Variants in ZNF385B observed in about 807,000 individuals in gnomAD.
ZNF385B encodes the protein zinc finger protein 385B.
A neutral mutation model predicts 39.2 loss-of-function variants in ZNF385B; 23 were observed. The observed-to-expected ratio is 0.59, with a 90% confidence interval of 0.42 to 0.83. The LOEUF is 0.83. Ranked by LOEUF, ZNF385B falls within the 40% of genes least tolerant of loss-of-function variation. The pLI, the probability that ZNF385B is intolerant of heterozygous loss-of-function variation, is 0.00. For missense variants in ZNF385B, 552 were observed against 598.9 expected (o/e 0.92, Z 0.82); for synonymous variants, 205 against 222.6 (o/e 0.92, Z 0.70).
chr2:179,710,296 C>T lies in ZNF385B; in HGVS notation c.298+59207G>A, dbSNP rs138789230. Among the ~76,000 whole-genome samples the T allele has an allele frequency of 1.6e-4, 24 of 152,158 alleles. 1 individual carries two copies. The highest frequency in any genetic ancestry group is 5.5e-4 in the African/African-American group (23 of 41,502). ...TATACCTTTGCCCCAACCTGGGACTCAAGGAAACCTCTATTGCCCTTGCCA... is the reference window on the plus strand; with the variant it reads ...TATACCTTTGCCCCAACCTGGGACTTAAGGAAACCTCTATTGCCCTTGCCA... On this transcript the variant is annotated intron_variant, in intron 3 of 9. Coordinates refer to ENST00000410066, the MANE Select transcript of ZNF385B (RefSeq NM_152520.6).
At chr2:179,757,089 TG>T (rs373190920) in intron 3 of ZNF385B, among the ~76,000 whole-genome samples, 1,872 of 152,318 alleles carry the variant, frequency 0.012, 45 homozygotes, top group African/African-American at 0.042. Flanking sequence ...CCCATCTTTG[TG>T]GTTTTATCTA....
At position 179,598,079 on chromosome 2, in the gene ZNF385B, C is replaced by CT. The variant is rs557326957; in HGVS notation, c.299-53111dup. On this transcript the variant is annotated intron_variant, in intron 3 of 9. Transcript: ENST00000410066. Reference sequence around the variant, plus strand: ...AAACTAGTTTGTGGTTAGTAAAGTGCTTTTTTTTATATTAGATTCTTTAGG... The same window carrying CT: ...AAACTAGTTTGTGGTTAGTAAAGTGCTTTTTTTTTATATTAGATTCTTTAGG... Among the ~76,000 whole-genome samples the CT allele has an allele frequency of 2.8e-4, 42 of 151,868 alleles. No homozygotes were observed. The South Asian group carries it at 6.7e-3, about 24-fold the overall frequency.
At chr2:179,557,222 C>G (rs1449378375) in intron 3 of ZNF385B, among the ~76,000 whole-genome samples, 1 of 149,192 alleles carries the variant, frequency 6.7e-6, no homozygotes, top group African/African-American at 2.5e-5. Context: ...CAAAGATGTA[C>G]AAGAATCATA....
In ZNF385B at chr2:179,544,952, T is replaced by A. The variant is rs202112513; in HGVS notation, c.316A>T (p.Thr106Ser). ...NSSTGSTCHT[T>S]TLPALVRTPT... ...GTGCGCACAAGAGCAGGAAGGGTAG[T>A]AGTGTGGCATGTACTGCCTGCCAAG... is the stretch of plus-strand genomic sequence containing the variant. The change falls in exon 4 of 10, where the codon ACT becomes TCT. Residue 106 changes from threonine to serine, a missense_variant. By Grantham distance (58) the Thr-to-Ser change is moderately conservative. Coordinates refer to ENST00000410066, the MANE Select transcript of ZNF385B (RefSeq NM_152520.6). 4 of 1,613,948 alleles carry A rather than the reference T, an allele frequency of 2.5e-6. No homozygotes were observed. In the African/African-American group the frequency reaches 4.0e-5, roughly 16 times the overall value.
In ZNF385B at chr2:179,642,442, C is replaced by G. The variant is rs576856682; in HGVS notation, c.299-97473G>C. On this transcript the variant is annotated intron_variant, in intron 3 of 9. Transcript: ENST00000410066. ...CCTTCATCCATGTCCTCTCCTGTCT[C>G]AACAACTCCATTCCTCTTTTTTTTC... Among the ~76,000 whole-genome samples, 13 of 152,212 alleles carry G rather than the reference C, an allele frequency of 8.5e-5. No individual in the cohort carries two copies. The East Asian group carries it at 2.3e-3, about 27-fold the overall frequency.
intron 3 of ZNF385B, among the ~76,000 whole-genome samples, chr2:179,611,676 G>T (rs1281866265): frequency 6.6e-6 from 1 of 152,100 alleles, no homozygotes; most frequent in African/African-American, 2.4e-5. Flanking sequence ...CCTTTGCTGG[G>T]AGACTTTATT....
chr2:179,768,786 AG>A (rs1191027847), intron 3 of ZNF385B, among the ~76,000 whole-genome samples: 1 of 152,214 alleles, frequency 6.6e-6, no homozygotes, highest in African/African-American at 2.4e-5. Context: ...GTGGAAGAGG[AG>A]GGGCTGCCCA....
chr2:179,442,099 T>C lies in ZNF385B; in HGVS notation c.*1151A>G, dbSNP rs2049027008. 6.6e-6 allele frequency: 1 copy of C among 152,666 alleles called. No individual in the cohort carries two copies. Among genetic ancestry groups the C allele is most frequent in the African/African-American group, 2.4e-5 (1 of 41,470 alleles). 9.5% of individuals were successfully genotyped at this position (152,666 alleles called of 1,614,324 possible). A position where few individuals can be genotyped will look rare whatever the true frequency, so the allele number is the denominator to read the frequency against. On this transcript the variant is annotated 3_prime_UTR_variant, in exon 10 of 10. Transcript: ENST00000410066. ...GAGTCCACTCTATTTTGTTGTTCTA[T>C]GATAACTCTTGCCCCTGATATCACA...
rs181550954 is a variant in ZNF385B, at chr2:179,489,856, G to C, written c.553-6422C>G. ...CATTCAATTCTCATCTATTGGGATTGTTGAAAACAAAGTCCAGACAAAATT... is the reference window on the plus strand; with the variant it reads ...CATTCAATTCTCATCTATTGGGATTCTTGAAAACAAAGTCCAGACAAAATT... On this transcript the variant is annotated intron_variant, in intron 5 of 9. Coordinates refer to ENST00000410066, the MANE Select transcript of ZNF385B (RefSeq NM_152520.6). Among the ~76,000 whole-genome samples, 69 of 152,296 alleles carry C rather than the reference G, an allele frequency of 4.5e-4. No homozygotes were observed. The Middle Eastern group carries it at 0.01, about 23-fold the overall frequency.
intron 3 of ZNF385B, among the ~76,000 whole-genome samples, chr2:179,708,855 A>C (rs1699801791): frequency 6.6e-6 from 1 of 152,184 alleles, no homozygotes; most frequent in African/African-American, 2.4e-5. Context: ...TAGGGCCAGA[A>C]CATACCCCAA....
At chr2:179,826,409 G>C (rs892053758) in intron 1 of ZNF385B, among the ~76,000 whole-genome samples, 3 of 152,080 alleles carry the variant, frequency 2.0e-5, no homozygotes, top group African/African-American at 7.2e-5. Context: ...ACAATGAAAA[G>C]ACACCATTCT....
chr2:179,714,812 G>T (rs1700215771), intron 3 of ZNF385B, among the ~76,000 whole-genome samples: 1 of 151,738 alleles, frequency 6.6e-6, no homozygotes, highest in Admixed American at 6.6e-5. Context: ...TTAGCCAGAT[G>T]TGGTGGCACT....
chr2:179,452,111 G>C (rs2050207520), intron 6 of ZNF385B, among the ~76,000 whole-genome samples: 1 of 152,092 alleles, frequency 6.6e-6, no homozygotes, highest in African/African-American at 2.4e-5. Context: ...AGCTACATCA[G>C]AATTGTTCGT....
chr2:179,665,860 T>C (rs1695083311), intron 3 of ZNF385B, among the ~76,000 whole-genome samples: 1 of 152,142 alleles, frequency 6.6e-6, no homozygotes, highest in Non-Finnish European at 1.5e-5. Context: ...CTGCTCAATG[T>C]ATACCCACTC....
At chr2:179,505,780 G>A (rs1466707568) in intron 5 of ZNF385B, among the ~76,000 whole-genome samples, 1 of 152,054 alleles carries the variant, frequency 6.6e-6, no homozygotes, top group African/African-American at 2.4e-5. Context: ...ATGTGGGACA[G>A]TTCACTTCAG....
At chr2:179,750,483 C>A (rs1370967410) in intron 3 of ZNF385B, among the ~76,000 whole-genome samples, 1 of 152,070 alleles carries the variant, frequency 6.6e-6, no homozygotes, top group Admixed American at 6.6e-5. Context: ...GTATCATCAC[C>A]AGGTCTGAAG....
intron 3 of ZNF385B, among the ~76,000 whole-genome samples, chr2:179,654,248 T>C (rs1425904677): frequency 6.6e-6 from 1 of 152,146 alleles, no homozygotes; most frequent in Non-Finnish European, 1.5e-5. Context: ...GACAGGATCA[T>C]GGAAGCCAAG....
At chr2:179,708,377 G>A (rs984962861) in intron 3 of ZNF385B, among the ~76,000 whole-genome samples, 7 of 152,134 alleles carry the variant, frequency 4.6e-5, no homozygotes. Flanking sequence ...AATAAAACCT[G>A]TTTCCTTTAT....
intron 5 of ZNF385B, among the ~76,000 whole-genome samples, chr2:179,486,924 C>G (rs143283302): frequency 0.024 from 3,636 of 151,662 alleles, 70 homozygotes; most frequent in Admixed American, 0.04. Context: ...TCAAAAAAAA[C>G]AAAAAACAAA....
Sources: allele counts gnomAD v4.1 joint callset (sites outside exome capture counted in the v4.1 genomes callset), GRCh38; gene constraint gnomAD v4.1.1; transcripts MANE v1.5; gene names NCBI Gene and HGNC (gene_info 2026-07-23, HGNC 2026-07-21).